Variants in KDM5C observed in about 807,000 individuals in gnomAD.
The protein encoded by KDM5C is lysine demethylase 5C, also known as lysine-specific demethylase 5C.
A neutral mutation model predicts 110.6 loss-of-function variants in KDM5C; 16 were observed. The observed-to-expected ratio is 0.14, with a 90% CI of 0.10 to 0.22. KDM5C has a LOEUF of 0.22. KDM5C is among the 10% of genes least tolerant of loss of function. KDM5C has a pLI of 1.00. For missense variants in KDM5C, 681 were observed against 1,300.9 expected (o/e 0.52, Z 7.33); for synonymous variants, 511 against 520.4 (o/e 0.98, Z 0.24).
chrX:53,179,105 G>A (rs1933958733), intron 25 of KDM5C, among the ~76,000 whole-genome samples: 1 of 111,625 alleles, frequency 9.0e-6, no homozygotes, highest in African/African-American at 3.3e-5. Context: ...ATGGTGGCAG[G>A]TGCCTATAGT....
At position 53,214,618 on chromosome X, in the gene KDM5C, G is replaced by GA; in HGVS notation, c.1122+70_1122+71insT. The stretch of plus-strand genomic sequence containing the variant: ...AAGACTATGGCTGAGCTAAGAGGCT[G>GA]CCCTCAATAAGGCCAGATGAAGGAA... On this transcript the variant is annotated intron_variant, in intron 8 of 25. Coordinates refer to ENST00000375401, the MANE Select transcript of KDM5C (RefSeq NM_004187.5). The GA allele has an allele frequency of 6.3e-6, 7 of 1,104,670 alleles. No homozygotes were observed. In the South Asian group the frequency reaches 1.2e-4, roughly 19 times the overall value. 91.0% of individuals were successfully genotyped at this position (1,104,670 alleles called of 1,213,427 possible). A position where few individuals can be genotyped will look rare whatever the true frequency, so the allele number is the denominator to read the frequency against.
rs781897885 is a variant in KDM5C at position 53,211,893 on chromosome X, G to A, written c.1136C>T (p.Pro379Leu). 8.3e-7 allele frequency: 1 copy of A among 1,210,663 alleles called. No homozygotes were observed. The highest frequency in any genetic ancestry group is 2.2e-5 in the Admixed American group (1 of 45,965). The change falls in exon 9 of 26, where the codon CCC becomes CTC. Residue 379 changes from proline (P) to leucine (L), a missense_variant. Transcript: ENST00000375401. ...CTGCTCAAAGCCAAAGGCTTCTGGG[G>A]GCCGCTTACACTCCTGAAACCCAAA... The part of the protein sequence containing the change: ...PKCVMAECKR[P>L]PEAFGFEQAT...
At chrX:53,182,348 G>C in intron 25 of KDM5C, among the ~76,000 whole-genome samples, 1 of 111,680 alleles carries the variant, frequency 9.0e-6, no homozygotes. Flanking sequence ...CTCCCAAAGT[G>C]CTGGGATTAC....
intron 18 of KDM5C, among the ~76,000 whole-genome samples, chrX:53,197,391 A>C (rs1473803280): frequency 9.0e-6 from 1 of 111,357 alleles, no homozygotes; most frequent in Non-Finnish European, 1.9e-5. Context: ...TGCTATGATT[A>C]GTCCTCACAT....
intron 12 of KDM5C, among the ~76,000 whole-genome samples, chrX:53,203,077 A>T (rs1337868699): frequency 9.0e-6 from 1 of 111,510 alleles, no homozygotes; most frequent in Non-Finnish European, 1.9e-5. Flanking sequence ...AAGTGCTGGG[A>T]TTACAAGTGT....
intron 12 of KDM5C, among the ~76,000 whole-genome samples, chrX:53,208,092 G>A (rs782692379): frequency 9.3e-6 from 1 of 108,079 alleles, no homozygotes; most frequent in East Asian, 2.9e-4. Flanking sequence ...AGATACCTCT[G>A]GGGGAGCTCC....
chrX:53,207,754 T>G (rs182226973), intron 12 of KDM5C, among the ~76,000 whole-genome samples: 2,867 of 109,217 alleles, frequency 0.026, 66 homozygotes, highest in East Asian at 0.19. Context: ...TTCGAGACCA[T>G]CCTGGCCAAC....
chrX:53,192,861 A>ACCCC lies in KDM5C; in HGVS notation c.*102_*105dup. 1.2e-5 allele frequency: 6 copies of ACCCC among 501,993 alleles called. No homozygotes were observed. Among genetic ancestry groups the ACCCC allele is most frequent in the Non-Finnish European group, 1.4e-5 (5 of 347,635 alleles). The allele number at this position is 501,993 out of a possible 1,213,427, so 41.4% of individuals were successfully genotyped here. ...GGGTGGGCGGGTAGCAGGGATGGCC[A>ACCCC]CCCCCCTACCCGCCCACCCCCCAAG... is the stretch of plus-strand genomic sequence containing the variant. On this transcript the variant is annotated 3_prime_UTR_variant, in exon 26 of 26. Coordinates refer to ENST00000375401, the MANE Select transcript of KDM5C (RefSeq NM_004187.5).
chrX:53,219,088 A>G (rs1253734139), intron 2 of KDM5C, among the ~76,000 whole-genome samples: 1 of 112,529 alleles, frequency 8.9e-6, no homozygotes, highest in African/African-American at 3.2e-5. Context: ...GGTGCCAAAT[A>G]ATTTGAGCTT....
At chrX:53,207,717 G>A (rs942372346) in intron 12 of KDM5C, among the ~76,000 whole-genome samples, 31 of 111,314 alleles carry the variant, frequency 2.8e-4, no homozygotes, top group Admixed American at 9.5e-5. Flanking sequence ...GGGAGGCCAA[G>A]GCGGGTGGAT....
At chrX:53,188,468 C>T (rs1294882468), downstream of KDM5C, among the ~76,000 whole-genome samples, 2 of 109,496 alleles carry the variant, frequency 1.8e-5, no homozygotes, top group African/African-American at 6.7e-5. Context: ...CTCTGCCTCC[C>T]GGGTTCAAGC....
At position 53,211,614 on chromosome X, in the gene KDM5C, C is replaced by T; in HGVS notation, c.1284G>A (p.Leu428=). ...TELVEKEFWR[L]VNSIEEDVTV... ...TCACATCTTCCTCAATGCTATTTAC[C>T]AGCCTCCAGAACTCCTTCTCCACAA... The change falls in exon 10 of 26, where the codon CTG becomes CTA. Residue 428 remains leucine (L), a synonymous_variant. Transcript: ENST00000375401. The T allele has an allele frequency of 8.3e-7, 1 of 1,211,661 alleles. No individual in the cohort carries two copies. The highest frequency in any genetic ancestry group is 1.1e-6 in the Non-Finnish European group (1 of 895,348).
chrX:53,178,079 A>G (rs149339599), intron 25 of KDM5C, among the ~76,000 whole-genome samples: 1,127 of 109,641 alleles, frequency 0.01, 17 homozygotes, highest in African/African-American at 0.035. Flanking sequence ...GCTGGCTTGA[A>G]CTCCTGGGCT....
chrX:53,220,083 T>C (rs1415301100), intron 2 of KDM5C, among the ~76,000 whole-genome samples: 2 of 111,984 alleles, frequency 1.8e-5, no homozygotes, highest in African/African-American at 3.3e-5. Flanking sequence ...CTGGGCCTAA[T>C]GCCCCACCCC....
At position 53,198,835 on chromosome X, in the gene KDM5C, C is replaced by T. The variant is rs782046190; in HGVS notation, c.2297G>A (p.Arg766Gln). 2 of 1,212,095 alleles carry T rather than the reference C, an allele frequency of 1.7e-6. No homozygotes were observed. Among genetic ancestry groups the T allele is most frequent in the Non-Finnish European group, 2.2e-6 (2 of 895,568 alleles). ...GGCCCAGGTGTCAAAGGACTCAGCC[C>T]GAACCTTCAGCTTATGCAGCATGGC... The part of the protein sequence containing the change: ...LPAMLHKLKV[R>Q]AESFDTWANK... Residue 766 changes from arginine (R) to glutamine (Q), a missense_variant, in exon 16 of 26, where the codon CGG becomes CAG. Arg to Gln is a conservative substitution (Grantham distance 43). Transcript: ENST00000375401.
chrX:53,196,129 A>G (rs1602167173), intron 19 of KDM5C, 75 bp from the exon 20 acceptor site: 2 of 1,100,127 alleles, frequency 1.8e-6, no homozygotes, highest in Admixed American at 2.3e-5. Context: ...ACCACCAGAT[A>G]TATCTGCATG....
At chrX:53,178,578 C>T (rs1172858479) in intron 25 of KDM5C, among the ~76,000 whole-genome samples, 1 of 111,915 alleles carries the variant, frequency 8.9e-6, no homozygotes, top group Admixed American at 9.5e-5. Flanking sequence ...TTTCACTGCC[C>T]TCAAAAAAGA....
At position 53,192,645 on chromosome X, in the gene KDM5C, C is replaced by T; in HGVS notation, c.*322G>A. On this transcript the variant is annotated 3_prime_UTR_variant, in exon 26 of 26. Coordinates refer to ENST00000375401, the MANE Select transcript of KDM5C (RefSeq NM_004187.5). ...GTCCCCCAGTTTGCATATACACTGG[C>T]CTTGTCTCTGGAATGGTGATGGCCC... is the stretch of plus-strand genomic sequence containing the variant. 1.0e-6 allele frequency: 1 copy of T among 953,463 alleles called. No homozygotes were observed. The highest frequency in any genetic ancestry group is 1.5e-6 in the Non-Finnish European group (1 of 684,501). The allele number at this position is 953,463 out of a possible 1,213,427, so 78.6% of individuals were successfully genotyped here.
chrX:53,196,837 T>A lies in KDM5C; in HGVS notation c.2830A>T (p.Arg944Trp), dbSNP rs1018074229. 13 of 1,208,734 alleles carry A rather than the reference T, an allele frequency of 1.1e-5. No individual in the cohort carries two copies. The highest frequency in any genetic ancestry group is 5.9e-5 in the East Asian group (2 of 33,688). ...CCTCGCATGACAGCCAAGGTGCCCC[T>A]TCGGGCTGAGGGGGCCAGTGTGCGT... ...VKRTLAPSAR[R>W]GTLAVMRGLL... is the part of the protein sequence containing the mutation. The change falls in exon 19 of 26, where the codon AGG (arginine) becomes TGG (tryptophan). Residue 944 changes from arginine (R) to tryptophan (W), a missense_variant. Arg to Trp is a moderately radical substitution (Grantham distance 101). This residue lies in a region of KDM5C where 123 missense variants were observed against 169.0 expected (regional missense o/e 0.73). Transcript: ENST00000375401.
Sources: allele counts gnomAD v4.1 joint callset (sites outside exome capture counted in the v4.1 genomes callset), GRCh38; gene constraint gnomAD v4.1.1; regional missense constraint gnomAD v4.1.1; transcripts MANE v1.5; gene names NCBI Gene and HGNC (gene_info 2026-07-23, HGNC 2026-07-21).